LUZP2: variants seen among roughly 807,000 people sequenced by gnomAD.
LUZP2 encodes leucine zipper protein 2.
LUZP2 carries 52 observed loss-of-function variants against 51.6 expected under a neutral mutation model. The observed-to-expected ratio is 1.01, with a 90% CI of 0.81 to 1.27. The LOEUF is 1.27. LUZP2 is among the 50% of genes most tolerant of loss of function. The pLI is 0.00. For missense variants in LUZP2, 436 were observed against 395.4 expected, an observed-to-expected ratio of 1.10 and a Z score of -0.87; for synonymous variants, 154 against 137.3, an observed-to-expected ratio of 1.12 and a Z score of -0.85.
At chr11:24,812,300 G>A (rs1366447636) in intron 5 of LUZP2, among the ~76,000 whole-genome samples, 1 of 152,026 alleles carries the variant, frequency 6.6e-6, no homozygotes, top group Non-Finnish European at 1.5e-5. Context: ...TGAAAACACA[G>A]GTCAGTTGAA....
At chr11:24,958,378 A>G (rs1855274803) in intron 7 of LUZP2, among the ~76,000 whole-genome samples, 1 of 152,128 alleles carries the variant, frequency 6.6e-6, no homozygotes, top group African/African-American at 2.4e-5. Context: ...AACAGTGTAA[A>G]AGTGTTCCTA....
At chr11:24,684,293 T>A (rs955863967) in intron 1 of LUZP2, among the ~76,000 whole-genome samples, 3 of 152,220 alleles carry the variant, frequency 2.0e-5, no homozygotes, top group Admixed American at 6.5e-5. Flanking sequence ...ATAAACTTTT[T>A]AACCTAGGCC....
chr11:24,971,613 G>A (rs1488466884), intron 7 of LUZP2, among the ~76,000 whole-genome samples: 1 of 151,886 alleles, frequency 6.6e-6, no homozygotes, highest in East Asian at 1.9e-4. Context: ...ATCTGCACAC[G>A]TACGCCCTGT....
At chr11:24,982,794 A>G (rs1309303696) in intron 8 of LUZP2, among the ~76,000 whole-genome samples, 1 of 151,860 alleles carries the variant, frequency 6.6e-6, no homozygotes, top group Admixed American at 6.6e-5. Context: ...GTAACTTTCA[A>G]AAAAGGATAT....
intron 7 of LUZP2, among the ~76,000 whole-genome samples, chr11:24,973,910 T>C (rs75078932): frequency 0.011 from 1,730 of 152,248 alleles, 34 homozygotes; most frequent in African/African-American, 0.038. Flanking sequence ...GTATATTCTG[T>C]TGTTTTTTAA....
chr11:24,695,263 C>A (rs1028644664), intron 1 of LUZP2, among the ~76,000 whole-genome samples: 1 of 151,674 alleles, frequency 6.6e-6, no homozygotes, highest in African/African-American at 2.4e-5. Context: ...GAAATAATAC[C>A]AAAGACATGT....
At chr11:25,039,393 C>A (rs1257728739) in intron 9 of LUZP2, among the ~76,000 whole-genome samples, 1 of 152,142 alleles carries the variant, frequency 6.6e-6, no homozygotes, top group African/African-American at 2.4e-5. Context: ...CAGGCATAGG[C>A]CCTAGGTGGT....
chr11:24,582,896 C>T lies in LUZP2; in HGVS notation c.62+85591C>T, dbSNP rs140702395. On this transcript the variant is annotated intron_variant, in intron 1 of 11. Transcript: ENST00000336930. The stretch of plus-strand genomic sequence containing the variant: ...CAATGAGAGAATAAAAAGGAATATA[C>T]ACAACTAGGGTAGATACTCCAAGTG... Among the ~76,000 whole-genome samples, 384 of 152,116 alleles carry T rather than the reference C, an allele frequency of 2.5e-3. 1 individual carries two copies. The highest frequency in any genetic ancestry group is 8.3e-3 in the African/African-American group (344 of 41,514).
chr11:25,040,343 A>AT lies in LUZP2; in HGVS notation c.766-9675dup, dbSNP rs57668112. The stretch of plus-strand genomic sequence containing the variant: ...AGAGAGCCACTTTTCTTTCTTTCCG[A>AT]TTTTTTTTTTTTTTTTTTTTGCCAA... On this transcript the variant is annotated intron_variant, in intron 9 of 11. Transcript: ENST00000336930. 1.8e-3 allele frequency among the ~76,000 whole-genome samples: 174 copies of AT among 98,820 alleles called. 16 individuals are homozygous for AT. Among genetic ancestry groups the AT allele is most frequent in the African/African-American group, 3.7e-3 (63 of 17,196 alleles). The allele number at this position is 98,820 out of a possible 152,430, so 64.8% of individuals were successfully genotyped here.
rs186506747 is a variant in LUZP2, at chr11:24,531,195, G to A, written c.62+33890G>A. Among the ~76,000 whole-genome samples, 247 of 150,380 alleles carry A rather than the reference G, an allele frequency of 1.6e-3. 1 individual carries two copies. Among genetic ancestry groups the A allele is most frequent in the African/African-American group, 5.7e-3 (235 of 41,260 alleles). On this transcript the variant is annotated intron_variant, in intron 1 of 11. Transcript: ENST00000336930. ...TCACAATTTTAAAATATGAGAACCT[G>A]GTAATGAAGACTAAACAATGTATAT...
At chr11:25,073,503 A>G (rs926394956) in intron 10 of LUZP2, among the ~76,000 whole-genome samples, 6 of 152,170 alleles carry the variant, frequency 3.9e-5, no homozygotes, top group Admixed American at 3.9e-4. Context: ...GGCTGTGCCC[A>G]TTGCTGCCTC....
intron 9 of LUZP2, among the ~76,000 whole-genome samples, chr11:25,047,184 A>G (rs12795150): frequency 0.48 from 72,542 of 151,856 alleles, 17,622 homozygotes; most frequent in Non-Finnish European, 0.51. Flanking sequence ...CAGTATTACT[A>G]TTTATTTATT....
At chr11:24,508,568 T>C (rs1171015422) in intron 1 of LUZP2, among the ~76,000 whole-genome samples, 1 of 152,070 alleles carries the variant, frequency 6.6e-6, no homozygotes, top group Non-Finnish European at 1.5e-5. Flanking sequence ...GTCTTCCAAG[T>C]GTTAATTGTG....
chr11:24,539,844 T>C (rs10834376), intron 1 of LUZP2, among the ~76,000 whole-genome samples: 59,359 of 151,798 alleles, frequency 0.39, 11,935 homozygotes, highest in Middle Eastern at 0.5. Context: ...GGTTCATTCA[T>C]ATAAATATGT....
At chr11:24,956,554 A>C (rs1215064246) in intron 7 of LUZP2, among the ~76,000 whole-genome samples, 1 of 152,150 alleles carries the variant, frequency 6.6e-6, no homozygotes, top group African/African-American at 2.4e-5. Flanking sequence ...AATCAGAAAC[A>C]TGTGCTGAGT....
At chr11:24,853,003 C>T (rs138447974) in intron 5 of LUZP2, among the ~76,000 whole-genome samples, 12 of 152,096 alleles carry the variant, frequency 7.9e-5, no homozygotes, top group East Asian at 3.9e-4. Context: ...TACAGCACAC[C>T]GATTGGTCTT....
intron 7 of LUZP2, among the ~76,000 whole-genome samples, chr11:24,964,914 A>T (rs1051597866): frequency 5.9e-5 from 9 of 151,960 alleles, no homozygotes; most frequent in African/African-American, 2.2e-4. Context: ...TTTCATGAAG[A>T]CAAACATGTT....
At chr11:24,752,111 A>T (rs1055800251) in intron 4 of LUZP2, among the ~76,000 whole-genome samples, 1 of 152,186 alleles carries the variant, frequency 6.6e-6, no homozygotes, top group African/African-American at 2.4e-5. Context: ...GGAGAATCAG[A>T]GTAAAATTGC....
At chr11:25,049,209 G>A (rs943041029) in intron 9 of LUZP2, among the ~76,000 whole-genome samples, 4 of 152,112 alleles carry the variant, frequency 2.6e-5, no homozygotes, top group Non-Finnish European at 2.9e-5. Flanking sequence ...CCTCTCCTGT[G>A]AAGCAGTGTG....
Sources: gnomAD v4.1 joint callset for allele counts (sites outside exome capture counted in the v4.1 genomes callset) on GRCh38, gnomAD v4.1.1 for gene constraint, MANE v1.5 for transcripts, NCBI Gene and HGNC (gene_info 2026-07-23, HGNC 2026-07-21) for gene names.